GPC5: variants seen among roughly 807,000 people sequenced by gnomAD.
The protein encoded by GPC5 is glypican 5.
A neutral mutation model predicts 53.9 loss-of-function variants in GPC5; 47 were observed. That is an observed-to-expected ratio of 0.87 (90% CI 0.69 to 1.11). The LOEUF (loss-of-function observed/expected upper bound fraction) is 1.11, where lower values mean the gene tolerates loss of function less well. GPC5 is among the 50% of genes most tolerant of loss of function. GPC5 has a pLI of 0.00. For synonymous variants in GPC5, 286 were observed against 263.3 expected, an observed-to-expected ratio of 1.09 and a Z score of -0.84; for missense variants, 748 against 713.1, an observed-to-expected ratio of 1.05 and a Z score of -0.56.
intron 6 of GPC5, among the ~76,000 whole-genome samples, chr13:92,072,633 G>A (rs575652116): frequency 3.0e-4 from 44 of 146,008 alleles, no homozygotes; most frequent in African/African-American, 1.0e-3. Context: ...GAGTGCACTG[G>A]CATGATCTCG....
intron 1 of GPC5, among the ~76,000 whole-genome samples, chr13:91,402,203 T>C (rs1594039010): frequency 6.6e-6 from 1 of 152,306 alleles, no homozygotes; most frequent in African/African-American, 2.4e-5. Flanking sequence ...TTTTTTGAAA[T>C]ATGCATGTTT....
intron 2 of GPC5, among the ~76,000 whole-genome samples, chr13:91,615,683 G>GATTCCTGA (rs2033676720): frequency 6.6e-6 from 1 of 152,124 alleles, no homozygotes; most frequent in Non-Finnish European, 1.5e-5. Flanking sequence ...ACTGCACAGT[G>GATTCCTGA]ATTCCTGAAG....
intron 7 of GPC5, among the ~76,000 whole-genome samples, chr13:92,516,427 G>A (rs1375012907): frequency 3.3e-5 from 5 of 152,008 alleles, no homozygotes; most frequent in Non-Finnish European, 5.9e-5. Context: ...ATATATTATG[G>A]GGATAAAACT....
At chr13:92,112,460 C>G (rs116733214) in intron 6 of GPC5, among the ~76,000 whole-genome samples, 1,889 of 152,116 alleles carry the variant, frequency 0.012, 53 homozygotes, top group African/African-American at 0.043. Flanking sequence ...TCTTGGAGAA[C>G]AAGAAGAAAG....
chr13:91,432,439 T>C (rs562112815), intron 1 of GPC5, among the ~76,000 whole-genome samples: 2 of 152,190 alleles, frequency 1.3e-5, no homozygotes, highest in South Asian at 2.1e-4. Flanking sequence ...AACTTAAGTA[T>C]GTGGTTTTGT....
chr13:92,602,244 A>ATATATATATAT (rs1884098310), intron 7 of GPC5, among the ~76,000 whole-genome samples: 1 of 138,426 alleles, frequency 7.2e-6, no homozygotes, highest in Non-Finnish European at 1.5e-5. Context: ...ATATATATAT[A>ATATATATATAT]TATATATATA....
chr13:92,027,551 G>A (rs899818351), intron 6 of GPC5, among the ~76,000 whole-genome samples: 7 of 152,078 alleles, frequency 4.6e-5, no homozygotes, highest in Non-Finnish European at 7.4e-5. Flanking sequence ...GCATTTTATC[G>A]TATTATCTAA....
chr13:91,813,163 T>A (rs2038340168), intron 5 of GPC5, among the ~76,000 whole-genome samples: 1 of 152,232 alleles, frequency 6.6e-6, no homozygotes, highest in Non-Finnish European at 1.5e-5. Context: ...ACTTGCTGAA[T>A]ATTGAAAGGG....
intron 7 of GPC5, among the ~76,000 whole-genome samples, chr13:92,655,990 C>T (rs946958457): frequency 2.6e-5 from 4 of 152,012 alleles, no homozygotes; most frequent in Non-Finnish European, 2.9e-5. Context: ...AGACAATTTC[C>T]CTGACTTCAA....
At chr13:92,317,834 A>C (rs1374922010) in intron 7 of GPC5, among the ~76,000 whole-genome samples, 1 of 151,972 alleles carries the variant, frequency 6.6e-6, no homozygotes, top group Non-Finnish European at 1.5e-5. Flanking sequence ...TCCAGTTAAC[A>C]TTTTAGTTGG....
At chr13:92,275,455 C>T (rs554621424) in intron 7 of GPC5, among the ~76,000 whole-genome samples, 2 of 152,194 alleles carry the variant, frequency 1.3e-5, no homozygotes, top group African/African-American at 4.8e-5. Context: ...TATAACAGGA[C>T]ATAATTTTGA....
At chr13:91,915,180 C>T (rs1165348955) in intron 6 of GPC5, among the ~76,000 whole-genome samples, 5 of 152,120 alleles carry the variant, frequency 3.3e-5, no homozygotes, top group Admixed American at 2.6e-4. Flanking sequence ...GTGATCAAAA[C>T]AGATTTAGTT....
At chr13:91,490,874 C>CTTTTGAA (rs1566445403) in intron 2 of GPC5, among the ~76,000 whole-genome samples, 14 of 152,114 alleles carry the variant, frequency 9.2e-5, no homozygotes, top group African/African-American at 3.4e-4. Context: ...TATAGCACTT[C>CTTTTGAA]ACCTTTTGAA....
intron 7 of GPC5, among the ~76,000 whole-genome samples, chr13:92,575,602 A>T (rs1367979376): frequency 1.3e-5 from 2 of 152,014 alleles, no homozygotes; most frequent in Non-Finnish European, 2.9e-5. Flanking sequence ...GCCCTAGGAA[A>T]CTCATATAAA....
At chr13:92,319,970 C>T (rs1236706081) in intron 7 of GPC5, among the ~76,000 whole-genome samples, 1 of 152,112 alleles carries the variant, frequency 6.6e-6, no homozygotes, top group African/African-American at 2.4e-5. Context: ...TCTTTAACTT[C>T]ATTTACCTTA....
At chr13:91,517,632 C>T (rs1282689380) in intron 2 of GPC5, among the ~76,000 whole-genome samples, 1 of 152,170 alleles carries the variant, frequency 6.6e-6, no homozygotes, top group Non-Finnish European at 1.5e-5. Flanking sequence ...TCCACATTTT[C>T]CAGTATCTTT....
chr13:92,143,010 TAATC>T, intron 6 of GPC5, among the ~76,000 whole-genome samples: 1 of 152,210 alleles, frequency 6.6e-6, no homozygotes, highest in Non-Finnish European at 1.5e-5. Context: ...GAATAGATAA[TAATC>T]AAAATGTATT....
chr13:92,203,381 A>G (rs9523537), intron 7 of GPC5, among the ~76,000 whole-genome samples: 79,778 of 137,470 alleles, frequency 0.58, 23,635 homozygotes, highest in Middle Eastern at 0.76. Flanking sequence ...GTAAACTATC[A>G]CAAGAACAAA....
At chr13:92,122,740 C>CTTT (rs3058805) in intron 6 of GPC5, among the ~76,000 whole-genome samples, 28 of 67,116 alleles carry the variant, frequency 4.2e-4, no homozygotes, top group Non-Finnish European at 6.1e-4. Context: ...ATAGGTCAGT[C>CTTT]TTTTTTTTTT....
Sources: allele counts gnomAD v4.1 joint callset (sites outside exome capture counted in the v4.1 genomes callset), GRCh38; gene constraint gnomAD v4.1.1; transcripts MANE v1.5; gene names NCBI Gene and HGNC (gene_info 2026-07-23, HGNC 2026-07-21).